Variants in U2SURP observed in about 807,000 individuals in gnomAD.
U2SURP encodes the protein U2 snRNP-associated SURP motif-containing protein.
A neutral mutation model predicts 144.9 loss-of-function variants in U2SURP; 9 were observed. The ratio of observed to expected loss-of-function variants is 0.06; its 90% CI spans 0.04 to 0.11. The LOEUF (loss-of-function observed/expected upper bound fraction) is 0.11. Ranked by LOEUF, U2SURP falls within the 10% of genes least tolerant of loss-of-function variation. U2SURP has a pLI of 1.00. For synonymous variants in U2SURP, 408 were observed against 396.8 expected (o/e 1.03, Z -0.33); for missense variants, 724 against 1,226.7 (o/e 0.59, Z 6.12).
chr3:143,001,886 A>C (rs1217486125), intron 1 of U2SURP, among the ~76,000 whole-genome samples: 1 of 152,184 alleles, frequency 6.6e-6, no homozygotes, highest in Admixed American at 6.5e-5. Flanking sequence ...TGGCGTGCCC[A>C]GTGGGTGGAG....
chr3:143,016,064 T>C (rs1936359770), intron 4 of U2SURP, among the ~76,000 whole-genome samples, 193 bp from the exon 5 acceptor site: 1 of 152,126 alleles, frequency 6.6e-6, no homozygotes, highest in Admixed American at 6.5e-5. Flanking sequence ...AAATTGCCGG[T>C]AGAGGAGCAA....
Position 143,039,016 on chromosome 3 carries a change from A to G in U2SURP, c.2384+56A>G, listed in dbSNP as rs1284468076. 19 of 1,187,518 alleles carry G rather than the reference A, an allele frequency of 1.6e-5. No individual in the cohort carries two copies. The East Asian group carries it at 4.9e-4, about 31-fold the overall frequency. 73.6% of individuals were successfully genotyped at this position (1,187,518 alleles called of 1,614,324 possible). ...CTTGTTCATATACACTCCCCTTTTC[A>G]TTAAGAGATATAGTTGAAATAATAG... On this transcript the variant is annotated intron_variant, in intron 23 of 27. Transcript: ENST00000473835.
Position 143,046,327 on chromosome 3 carries a change from T to C in U2SURP, c.2544+3051T>C, listed in dbSNP as rs1434117396. Among the ~76,000 whole-genome samples, 312 of 147,364 alleles carry C rather than the reference T, an allele frequency of 2.1e-3. 1 individual carries two copies. The highest frequency in any genetic ancestry group is 7.2e-3 in the African/African-American group (292 of 40,590). ...TTTTTATTTTTATTTTTTTATTTTT[T>C]ATTTTTTTTTTTATTGATCATTCTT... On this transcript the variant is annotated intron_variant, in intron 24 of 27. Coordinates refer to ENST00000473835, the MANE Select transcript of U2SURP (RefSeq NM_001080415.2).
intron 26 of U2SURP, among the ~76,000 whole-genome samples, chr3:143,054,278 C>T (rs971254241): frequency 1.3e-5 from 2 of 152,148 alleles, no homozygotes; most frequent in South Asian, 2.1e-4. Context: ...CTTACTCTCA[C>T]GGTTCCTAAA....
At chr3:143,015,391 ACAAT>A (rs1378323574) in intron 4 of U2SURP, among the ~76,000 whole-genome samples, 3 of 151,778 alleles carry the variant, frequency 2.0e-5, no homozygotes, top group Admixed American at 6.6e-5. Flanking sequence ...AAACTATTGT[ACAAT>A]CAGATTTATC....
At chr3:143,047,052 C>T (rs1195155223) in intron 24 of U2SURP, among the ~76,000 whole-genome samples, 1 of 130,150 alleles carries the variant, frequency 7.7e-6, no homozygotes, top group Admixed American at 7.2e-5. Context: ...GGGGACTGAC[C>T]CCCCCACCTC....
At chr3:143,051,823 T>G (rs1345717996) in intron 25 of U2SURP, among the ~76,000 whole-genome samples, 1 of 152,112 alleles carries the variant, frequency 6.6e-6, no homozygotes, top group African/African-American at 2.4e-5. Flanking sequence ...TGCAGCCTGC[T>G]TTTTCTCTGA....
chr3:143,036,496 GT>G (rs986324969), intron 20 of U2SURP, among the ~76,000 whole-genome samples: 3 of 151,744 alleles, frequency 2.0e-5, no homozygotes, highest in African/African-American at 4.8e-5. Flanking sequence ...CCATTCTGTT[GT>G]TTTTTTTCTT....
chr3:143,017,869 C>T (rs1936448296), intron 6 of U2SURP, among the ~76,000 whole-genome samples: 2 of 151,562 alleles, frequency 1.3e-5, no homozygotes, highest in South Asian at 2.1e-4. Flanking sequence ...AGCGATTTGC[C>T]CACTTTTGCC....
chr3:143,040,334 CA>C (rs1015291828), intron 23 of U2SURP, among the ~76,000 whole-genome samples: 4 of 151,690 alleles, frequency 2.6e-5, no homozygotes, highest in African/African-American at 9.7e-5. Context: ...TTAGATTTTT[CA>C]TTTTTCTTAG....
Position 143,004,579 on chromosome 3 carries a change from C to CA in U2SURP, c.45+2906_45+2907insA, listed in dbSNP as rs1163326164. ...TTGGCCTCTTGACCTTGTGACCCCCCCCCCCCGCCTCGGCCTCCCAAAGTG... is the reference window on the plus strand; with the variant it reads ...TTGGCCTCTTGACCTTGTGACCCCCCACCCCCCGCCTCGGCCTCCCAAAGTG... On this transcript the variant is annotated intron_variant, in intron 1 of 27. Transcript: ENST00000473835. Among the ~76,000 whole-genome samples, 9 of 81,248 alleles carry CA rather than the reference C, an allele frequency of 1.1e-4. 1 individual carries two copies. Among genetic ancestry groups the CA allele is most frequent in the Non-Finnish European group, 9.1e-5 (4 of 43,788 alleles). 53.3% of individuals were successfully genotyped at this position (81,248 alleles called of 152,430 possible).
intron 4 of U2SURP, among the ~76,000 whole-genome samples, chr3:143,016,026 A>G (rs1480053660): frequency 1.3e-5 from 2 of 152,114 alleles, no homozygotes. Flanking sequence ...TAATTAATCT[A>G]TACTTAGGGG....
rs753834748 is a variant in U2SURP at position 143,004,573 on chromosome 3, A to ACCC, written c.45+2910_45+2912dup. ...CATCTGTTGGCCTCTTGACCTTGTGACCCCCCCCCCCCGCCTCGGCCTCCC... is the reference window on the plus strand; with the variant it reads ...CATCTGTTGGCCTCTTGACCTTGTGACCCCCCCCCCCCCCCGCCTCGGCCTCCC... On this transcript the variant is annotated intron_variant, in intron 1 of 27. Transcript: ENST00000473835. Among the ~76,000 whole-genome samples the ACCC allele has an allele frequency of 3.5e-3, 171 of 48,486 alleles. 7 individuals are homozygous for ACCC. The highest frequency in any genetic ancestry group is 8.4e-3 in the East Asian group (12 of 1,426). The allele number at this position is 48,486 out of a possible 152,430, so 31.8% of individuals were successfully genotyped here.
At chr3:143,005,878 GAAA>G (rs922368878) in intron 1 of U2SURP, among the ~76,000 whole-genome samples, 2 of 151,804 alleles carry the variant, frequency 1.3e-5, no homozygotes, top group African/African-American at 4.8e-5. Context: ...GGAATAAAAA[GAAA>G]AACTTGCTAC....
In U2SURP at chr3:143,027,546, CCTTTTGTGACTAG is replaced by C. The variant is rs1214772052; in HGVS notation, c.1379+297_1379+309del. On this transcript the variant is annotated intron_variant, in intron 14 of 27. Transcript: ENST00000473835. ...ATGAGTATAATCATACAATATTTGTCCTTTTGTGACTAGCTTATTTCATTTAGCATAATGTCCT... is the reference window on the plus strand; with the variant it reads ...ATGAGTATAATCATACAATATTTGTCCTTATTTCATTTAGCATAATGTCCT... 2.0e-5 allele frequency among the ~76,000 whole-genome samples: 3 copies of C among 152,100 alleles called. No individual in the cohort carries two copies. The East Asian group carries it at 5.8e-4, about 29-fold the overall frequency.
At position 143,050,827 on chromosome 3, in the gene U2SURP, T is replaced by C. The variant is rs1934819275; in HGVS notation, c.2545-112T>C. 4 of 667,200 alleles carry C rather than the reference T, an allele frequency of 6.0e-6. No homozygotes were observed. The Admixed American group carries it at 1.2e-4, about 19-fold the overall frequency. 41.3% of individuals were successfully genotyped at this position (667,200 alleles called of 1,614,324 possible). ...GACAAGTGGCCTTCAGGTGAGGTTA[T>C]ATTTTGACTGAGTACTAATTAGTTA... On this transcript the variant is annotated intron_variant, in intron 24 of 27. Transcript: ENST00000473835.
chr3:143,012,453 G>T (rs1936169016), intron 3 of U2SURP, 100 bp downstream of exon 3: 2 of 1,180,548 alleles, frequency 1.7e-6, no homozygotes, highest in Admixed American at 3.3e-5. Flanking sequence ...TTTTGTATGT[G>T]TTTCATCTTA....
Position 143,058,010 on chromosome 3 carries a change from G to C in U2SURP, c.*1560G>C, listed in dbSNP as rs1414342087. 6.6e-6 allele frequency: 1 copy of C among 152,192 alleles called. No individual in the cohort carries two copies. The highest frequency in any genetic ancestry group is 1.5e-5 in the Non-Finnish European group (1 of 67,796). The allele number at this position is 152,192 out of a possible 1,614,324, so 9.4% of individuals were successfully genotyped here. On this transcript the variant is annotated 3_prime_UTR_variant, in exon 28 of 28. Transcript: ENST00000473835. ...CTTGAAAGTTATTTCCTTATTCACT[G>C]TTTTGTTAGTCCATTTTGTTAGGAA...
chr3:143,045,381 A>G lies in U2SURP; in HGVS notation c.2544+2105A>G, dbSNP rs974467075. 4.0e-5 allele frequency among the ~76,000 whole-genome samples: 6 copies of G among 151,582 alleles called. No homozygotes were observed. In the East Asian group the frequency reaches 1.2e-3, roughly 29 times the overall value. On this transcript the variant is annotated intron_variant, in intron 24 of 27. Coordinates refer to ENST00000473835, the MANE Select transcript of U2SURP (RefSeq NM_001080415.2). ...GAGACGCCGTCAAAAAAAAAAAAAAAAAAAAAAAGAGCACTCCCTTTCTGA... is the reference window on the plus strand; with the variant it reads ...GAGACGCCGTCAAAAAAAAAAAAAAGAAAAAAAAGAGCACTCCCTTTCTGA...
Sources: allele counts gnomAD v4.1 joint callset (sites outside exome capture counted in the v4.1 genomes callset), GRCh38; gene constraint gnomAD v4.1.1; transcripts MANE v1.5; gene names NCBI Gene and HGNC (gene_info 2026-07-23, HGNC 2026-07-21).